The following PRUNE2 variants were observed in gnomAD, a reference collection of about 807,000 sequenced individuals.
The protein encoded by PRUNE2 is protein prune homolog 2.
PRUNE2 carries 164 observed loss-of-function variants against 252.0 expected under a neutral mutation model. That is an observed-to-expected ratio of 0.65 (90% CI 0.57 to 0.74). The LOEUF is 0.74. Ranked by LOEUF, PRUNE2 falls within the 30% of genes least tolerant of loss-of-function variation. The probability of loss-of-function intolerance (pLI) is 0.00; values close to 1 mark genes in which losing one functional copy is unlikely to be tolerated. For missense variants in PRUNE2, 3,495 were observed against 3,711.0 expected (o/e 0.94, Z 1.51); for synonymous variants, 1,292 against 1,350.2 (o/e 0.96, Z 0.94).
In PRUNE2 at chr9:76,770,825, C is replaced by T. The variant is rs551336995; in HGVS notation, c.756+52807G>A. 9.9e-5 allele frequency among the ~76,000 whole-genome samples: 15 copies of T among 152,126 alleles called. 1 individual carries two copies. Among genetic ancestry groups the T allele is most frequent in the Admixed American group, 2.0e-4 (3 of 15,262 alleles). ...GTGGAGAAATCCAGAAATGACTGCT[C>T]ATAATGGTCAGTATGATTAGTACCT... On this transcript the variant is annotated intron_variant, in intron 6 of 18. Transcript: ENST00000376718.
At chr9:76,897,894 T>C (rs920105411) in intron 1 of PRUNE2, among the ~76,000 whole-genome samples, 1 of 152,216 alleles carries the variant, frequency 6.6e-6, no homozygotes, top group Admixed American at 6.5e-5. Context: ...TGTTCCTGTT[T>C]CTGTGAAATG....
intron 6 of PRUNE2, among the ~76,000 whole-genome samples, chr9:76,724,479 A>G (rs1419217185): frequency 1.3e-5 from 2 of 151,972 alleles, no homozygotes; most frequent in African/African-American, 4.8e-5. Flanking sequence ...CCTGTCACAC[A>G]GACACACACA....
At chr9:76,776,891 CAT>C (rs1483061332) in intron 6 of PRUNE2, among the ~76,000 whole-genome samples, 2,331 of 88,584 alleles carry the variant, frequency 0.026, 50 homozygotes, top group African/African-American at 0.035. Context: ...TACCAAAACA[CAT>C]ACACACACAC....
chr9:76,708,938 G>C lies in PRUNE2; in HGVS notation c.3336C>G (p.Leu1112=), dbSNP rs781010882. ...CCAAAATCACTCTGTTCCACAAGTCGAGACTGTCAGGGGCCGTCTGCCGGG... is the reference window on the plus strand; with the variant it reads ...CCAAAATCACTCTGTTCCACAAGTCCAGACTGTCAGGGGCCGTCTGCCGGG... ...TNSRQTAPDS[L]DLWNRVILED... The change falls in exon 8 of 19, where the codon CTC becomes CTG. Residue 1112 remains leucine, a synonymous_variant. Transcript: ENST00000376718. The C allele has an allele frequency of 1.2e-6, 2 of 1,613,984 alleles. No individual in the cohort carries two copies. Among genetic ancestry groups the C allele is most frequent in the South Asian group, 2.2e-5 (2 of 91,076 alleles).
At chr9:76,744,304 G>A (rs2049913696) in intron 6 of PRUNE2, among the ~76,000 whole-genome samples, 1 of 152,228 alleles carries the variant, frequency 6.6e-6, no homozygotes, top group South Asian at 2.1e-4. Flanking sequence ...CACTAGATGA[G>A]TGACTAGGGA....
At chr9:76,689,019 C>A (rs1024833189) in intron 9 of PRUNE2, among the ~76,000 whole-genome samples, 1 of 152,148 alleles carries the variant, frequency 6.6e-6, no homozygotes, top group African/African-American at 2.4e-5. Flanking sequence ...AATGAAGCAA[C>A]ACTTTCTGAC....
At chr9:76,789,168 G>A (rs1489060995) in intron 6 of PRUNE2, among the ~76,000 whole-genome samples, 1 of 152,090 alleles carries the variant, frequency 6.6e-6, no homozygotes, top group Non-Finnish European at 1.5e-5. Flanking sequence ...GCCATCTTGA[G>A]CCAATATAAA....
At chr9:76,841,566 G>A (rs553792316) in intron 4 of PRUNE2, among the ~76,000 whole-genome samples, 1 of 152,328 alleles carries the variant, frequency 6.6e-6, no homozygotes, top group South Asian at 2.1e-4. Flanking sequence ...AGATCCACTG[G>A]CTTGAAATTC....
At chr9:76,818,981 T>C (rs2057866998) in intron 6 of PRUNE2, among the ~76,000 whole-genome samples, 1 of 152,186 alleles carries the variant, frequency 6.6e-6, no homozygotes, top group African/African-American at 2.4e-5. Flanking sequence ...CCAGGCGCCA[T>C]GGCTCATGCC....
chr9:76,777,093 C>G (rs2053887446), intron 6 of PRUNE2, among the ~76,000 whole-genome samples: 1 of 151,924 alleles, frequency 6.6e-6, no homozygotes, highest in Admixed American at 6.6e-5. Flanking sequence ...CCCCATAGCC[C>G]TTGAGGTTGT....
At chr9:76,756,106 T>C (rs766562321) in intron 6 of PRUNE2, among the ~76,000 whole-genome samples, 4 of 152,142 alleles carry the variant, frequency 2.6e-5, no homozygotes, top group Non-Finnish European at 5.9e-5. Context: ...AAAGTGAAAG[T>C]AGATGAAAAA....
At chr9:76,677,860 C>T (rs373381515) in intron 9 of PRUNE2, among the ~76,000 whole-genome samples, 5 of 152,122 alleles carry the variant, frequency 3.3e-5, no homozygotes, top group Middle Eastern at 3.4e-3. Flanking sequence ...TGGGACTGAC[C>T]GGGGCAGACA....
chr9:76,821,467 T>A (rs1221919230), intron 6 of PRUNE2, among the ~76,000 whole-genome samples: 1 of 152,198 alleles, frequency 6.6e-6, no homozygotes, highest in East Asian at 1.9e-4. Flanking sequence ...TGACATTAAC[T>A]TGGGAATTTT....
At chr9:76,872,641 A>G (rs1265739372) in intron 1 of PRUNE2, among the ~76,000 whole-genome samples, 1 of 148,676 alleles carries the variant, frequency 6.7e-6, no homozygotes, top group Non-Finnish European at 1.5e-5. Context: ...ACACACACAC[A>G]CACCCTCACA....
chr9:76,741,438 G>A (rs1264661461), intron 6 of PRUNE2, among the ~76,000 whole-genome samples: 1 of 152,152 alleles, frequency 6.6e-6, no homozygotes, highest in Non-Finnish European at 1.5e-5. Flanking sequence ...TCCTAATTAG[G>A]GAAAAGGAGT....
chr9:76,794,632 A>AAAAAAAAAAAG (rs1554773258), intron 6 of PRUNE2, among the ~76,000 whole-genome samples: 2 of 122,608 alleles, frequency 1.6e-5, no homozygotes, highest in African/African-American at 8.1e-5. Flanking sequence ...AAAAAAAAAG[A>AAAAAAAAAAAG]AAAGAAAAGA....
chr9:76,803,336 C>T (rs148656507), intron 6 of PRUNE2, among the ~76,000 whole-genome samples: 8 of 152,294 alleles, frequency 5.3e-5, no homozygotes, highest in South Asian at 2.1e-4. Flanking sequence ...AGACCACCTT[C>T]CTTATCTTGG....
chr9:76,892,827 C>T (rs370487517), intron 1 of PRUNE2, among the ~76,000 whole-genome samples: 1 of 151,926 alleles, frequency 6.6e-6, no homozygotes, highest in Non-Finnish European at 1.5e-5. Context: ...GCCAAATATA[C>T]CTTATTGCTT....
intron 6 of PRUNE2, among the ~76,000 whole-genome samples, chr9:76,804,620 T>C (rs2056803912): frequency 6.6e-6 from 1 of 152,178 alleles, no homozygotes; most frequent in Non-Finnish European, 1.5e-5. Context: ...ACAGCGACTT[T>C]ATGGACAGCA....
Sources: gnomAD v4.1 joint callset for allele counts (sites outside exome capture counted in the v4.1 genomes callset) on GRCh38, gnomAD v4.1.1 for gene constraint, MANE v1.5 for transcripts, NCBI Gene and HGNC (gene_info 2026-07-23, HGNC 2026-07-21) for gene names.